RBFOX1: variants seen among roughly 807,000 people sequenced by gnomAD.
RBFOX1 encodes RNA binding protein fox-1 homolog 1.
In RBFOX1, 8 loss-of-function variants were observed where a neutral mutation model predicts 57.7. The ratio of observed to expected loss-of-function variants is 0.14; its 90% confidence interval spans 0.08 to 0.25. The LOEUF is 0.25. Ranked by LOEUF, RBFOX1 falls within the 10% of genes least tolerant of loss-of-function variation. The probability of loss-of-function intolerance (pLI) is 1.00; values close to 1 mark genes in which losing one functional copy is unlikely to be tolerated. For missense variants in RBFOX1, 611 were observed against 548.5 expected (o/e 1.11, Z -1.14); for synonymous variants, 326 against 222.4 (o/e 1.47, Z -4.15).
At chr16:7,392,289 G>T (rs1431373672) in intron 4 of RBFOX1, among the ~76,000 whole-genome samples, 1 of 152,060 alleles carries the variant, frequency 6.6e-6, no homozygotes, top group African/African-American at 2.4e-5. Context: ...CCCTTGTATA[G>T]CACCTTGCAT....
At chr16:7,023,000 G>A (rs992176459) in intron 3 of RBFOX1, among the ~76,000 whole-genome samples, 7 of 152,174 alleles carry the variant, frequency 4.6e-5, no homozygotes, top group Non-Finnish European at 7.3e-5. Context: ...TTTTGCAGAA[G>A]TTGGCATTTA....
intron 3 of RBFOX1, among the ~76,000 whole-genome samples, chr16:5,831,937 G>C (rs1259008612): frequency 6.6e-6 from 1 of 152,156 alleles, no homozygotes; most frequent in Admixed American, 6.5e-5. Flanking sequence ...TTCGGCACAT[G>C]GTAAGTATTC....
At chr16:6,595,590 T>C (rs1300153361) in intron 2 of RBFOX1, among the ~76,000 whole-genome samples, 4 of 152,198 alleles carry the variant, frequency 2.6e-5, no homozygotes, top group Non-Finnish European at 5.9e-5. Flanking sequence ...GTGGAATTTC[T>C]GGGTCATATG....
intron 2 of RBFOX1, among the ~76,000 whole-genome samples, chr16:5,549,340 C>A (rs756799217): frequency 9.2e-5 from 14 of 152,214 alleles, no homozygotes; most frequent in Non-Finnish European, 7.3e-5. Context: ...GGGTCCCCTG[C>A]TGGTAACTGG....
intron 4 of RBFOX1, among the ~76,000 whole-genome samples, chr16:7,342,879 G>A (rs1008689160): frequency 6.6e-6 from 1 of 152,158 alleles, no homozygotes; most frequent in Non-Finnish European, 1.5e-5. Context: ...TTGCATCAGG[G>A]GGCCATGTCA....
At chr16:7,359,970 C>G (rs1011630272) in intron 4 of RBFOX1, among the ~76,000 whole-genome samples, 7 of 147,706 alleles carry the variant, frequency 4.7e-5, no homozygotes, top group Non-Finnish European at 7.5e-5. Context: ...GGTGACAGAG[C>G]GAGACTCTGT....
intron 1 of RBFOX1, among the ~76,000 whole-genome samples, chr16:6,132,917 A>T (rs1237194466): frequency 6.6e-6 from 1 of 150,716 alleles, no homozygotes; most frequent in Non-Finnish European, 1.5e-5. Context: ...GTGAGCCGAG[A>T]TCATGCCACT....
At chr16:6,478,125 G>T (rs1305042743) in intron 2 of RBFOX1, among the ~76,000 whole-genome samples, 1 of 151,476 alleles carries the variant, frequency 6.6e-6, no homozygotes, top group Non-Finnish European at 1.5e-5. Flanking sequence ...TTAGTAGTGT[G>T]TTCAAGGGAG....
intron 4 of RBFOX1, among the ~76,000 whole-genome samples, chr16:5,888,938 A>T (rs1175973776): frequency 6.6e-6 from 1 of 152,116 alleles, no homozygotes; most frequent in East Asian, 1.9e-4. Flanking sequence ...AGATACTGGG[A>T]AGATCTCTTC....
Position 7,513,724 on chromosome 16 carries a change from C to T in RBFOX1, c.28-4423C>T, listed in dbSNP as rs75709373. 8.3e-3 allele frequency among the ~76,000 whole-genome samples: 1,268 copies of T among 152,282 alleles called. 6 individuals carry two copies. Among genetic ancestry groups the T allele is most frequent in the Admixed American group, 0.014 (208 of 15,280 alleles). On this transcript the variant is annotated intron_variant, in intron 4 of 15. Transcript: ENST00000550418. ...AGGCGCCCAGCACAGTGCCTGCCAC[C>T]TATTAGGTTTTCTTCTGAGGACCAG...
chr16:5,458,180 T>G (rs2068687414), intron 1 of RBFOX1, among the ~76,000 whole-genome samples: 1 of 152,250 alleles, frequency 6.6e-6, no homozygotes, highest in South Asian at 2.1e-4. Context: ...AAATATATAT[T>G]ACATTTTAAA....
chr16:6,813,479 A>C (rs1016277653), intron 3 of RBFOX1, among the ~76,000 whole-genome samples: 2 of 152,090 alleles, frequency 1.3e-5, no homozygotes, highest in Non-Finnish European at 2.9e-5. Flanking sequence ...CTTCAGAGAC[A>C]GGGCCAATGG....
chr16:6,672,893 T>C (rs77516929), intron 3 of RBFOX1, among the ~76,000 whole-genome samples: 2,318 of 152,196 alleles, frequency 0.015, 36 homozygotes, highest in African/African-American at 0.049. Context: ...AAGAGACCCA[T>C]TGACTAAACT....
intron 2 of RBFOX1, among the ~76,000 whole-genome samples, chr16:6,540,573 C>G (rs1163259511): frequency 2.1e-5 from 3 of 144,592 alleles, no homozygotes; most frequent in Non-Finnish European, 4.5e-5. Flanking sequence ...GATTGCACCA[C>G]TGTACTCCAG....
rs111548699 is a variant in RBFOX1, at chr16:6,901,600, G to C, written c.-15-150457G>C. On this transcript the variant is annotated intron_variant, in intron 3 of 15. Coordinates refer to ENST00000550418, the MANE Select transcript of RBFOX1 (RefSeq NM_018723.4). Reference sequence around the variant, plus strand: ...CCTCAATTATGCTGTGAGAGGCTGAGGGGGAAAAATAGACATTTTTGCAAA... The same window carrying C: ...CCTCAATTATGCTGTGAGAGGCTGACGGGGAAAAATAGACATTTTTGCAAA... 4.4e-3 allele frequency among the ~76,000 whole-genome samples: 671 copies of C among 152,290 alleles called. 3 individuals carry two copies. Among genetic ancestry groups the C allele is most frequent in the African/African-American group, 0.015 (640 of 41,546 alleles).
chr16:5,472,215 T>G (rs368828221), intron 2 of RBFOX1, among the ~76,000 whole-genome samples: 36 of 152,242 alleles, frequency 2.4e-4, no homozygotes, highest in African/African-American at 7.9e-4. Flanking sequence ...TTATTCTGTT[T>G]CGGTTCCTCC....
chr16:6,086,071 G>T (rs915090770), intron 1 of RBFOX1, among the ~76,000 whole-genome samples: 1 of 152,080 alleles, frequency 6.6e-6, no homozygotes, highest in African/African-American at 2.4e-5. Context: ...AGAACATGTG[G>T]TGTTTGGTTT....
At chr16:6,981,876 A>G (rs1435709394) in intron 3 of RBFOX1, among the ~76,000 whole-genome samples, 2 of 152,158 alleles carry the variant, frequency 1.3e-5, no homozygotes, top group African/African-American at 2.4e-5. Flanking sequence ...ATTTAAGTTG[A>G]TTCCACATCT....
At chr16:7,608,754 T>G (rs2056846133) in intron 10 of RBFOX1, among the ~76,000 whole-genome samples, 1 of 152,246 alleles carries the variant, frequency 6.6e-6, no homozygotes, top group Non-Finnish European at 1.5e-5. Flanking sequence ...TTTATTAGAA[T>G]TAAATGGGTT....
Sources: gnomAD v4.1 joint callset for allele counts (sites outside exome capture counted in the v4.1 genomes callset) on GRCh38, gnomAD v4.1.1 for gene constraint, MANE v1.5 for transcripts, NCBI Gene and HGNC (gene_info 2026-07-23, HGNC 2026-07-21) for gene names.